The following SV2C variants were observed in gnomAD, a reference collection of about 807,000 sequenced individuals.
The protein encoded by SV2C is synaptic vesicle glycoprotein 2C.
SV2C carries 49 observed loss-of-function variants against 79.7 expected under a neutral mutation model. The ratio of observed to expected loss-of-function variants is 0.61; its 90% CI spans 0.49 to 0.78. SV2C has a LOEUF of 0.78. SV2C is among the 30% of genes least tolerant of loss of function. SV2C has a pLI of 0.00. For synonymous variants in SV2C, 334 were observed against 333.2 expected, an observed-to-expected ratio of 1.00 and a Z score of -0.03; for missense variants, 833 against 912.9, an observed-to-expected ratio of 0.91 and a Z score of 1.13.
intron 4 of SV2C, 75 bp from the exon 5 acceptor site, chr5:76,285,087 G>A (rs759299937): frequency 7.1e-5 from 112 of 1,580,268 alleles, no homozygotes; most frequent in Non-Finnish European, 9.5e-5. Flanking sequence ...TCCATGGTTC[G>A]GGCATCCCGG....
At chr5:75,993,704 C>T in the SV2C span, among the ~76,000 whole-genome samples, 4 of 152,126 alleles carry the variant, frequency 2.6e-5, no homozygotes, top group Non-Finnish European at 5.9e-5. Flanking sequence ...CTCTTTCCTT[C>T]AGGGAGGAGA....
At chr5:76,110,741 C>T (rs1163862237) in intron 1 of SV2C, among the ~76,000 whole-genome samples, 1 of 152,160 alleles carries the variant, frequency 6.6e-6, no homozygotes, top group Non-Finnish European at 1.5e-5. Flanking sequence ...GACATTTTAT[C>T]GAGAAATTAG....
intron 9 of SV2C, 51 bp downstream of exon 9, chr5:76,295,993 T>G: frequency 1.3e-6 from 2 of 1,505,432 alleles, no homozygotes; most frequent in Non-Finnish European, 1.8e-6. Flanking sequence ...AAAAACTTAT[T>G]TCTTCTTAGC....
intron 2 of SV2C, among the ~76,000 whole-genome samples, chr5:76,185,832 CA>C (rs1743898889): frequency 6.6e-6 from 1 of 152,206 alleles, no homozygotes; most frequent in Non-Finnish European, 1.5e-5. Context: ...CCATTGAATT[CA>C]GCTCCTGTTA....
the SV2C span, among the ~76,000 whole-genome samples, chr5:75,892,434 A>G: frequency 6.6e-6 from 1 of 151,464 alleles, no homozygotes; most frequent in East Asian, 1.9e-4. Flanking sequence ...TTTTTTTTCA[A>G]CTTCCACTTT....
the SV2C span, among the ~76,000 whole-genome samples, chr5:75,982,493 G>T: frequency 6.6e-6 from 1 of 152,170 alleles, no homozygotes; most frequent in Non-Finnish European, 1.5e-5. Flanking sequence ...GGAGAAAAAG[G>T]AATGCTTTTA....
intron 8 of SV2C, among the ~76,000 whole-genome samples, chr5:76,295,547 T>G (rs1747723076): frequency 6.6e-6 from 1 of 152,188 alleles, no homozygotes; most frequent in Admixed American, 6.5e-5. Context: ...GGTTTAGGAA[T>G]TACATACCTG....
chr5:76,003,517 T>C, the SV2C span, among the ~76,000 whole-genome samples: 2 of 152,178 alleles, frequency 1.3e-5, no homozygotes, highest in Non-Finnish European at 2.9e-5. Flanking sequence ...CTTGATGTTT[T>C]GGGAACCGTG....
chr5:76,164,461 A>C (rs1360109067), intron 2 of SV2C, among the ~76,000 whole-genome samples: 1 of 152,220 alleles, frequency 6.6e-6, no homozygotes, highest in Non-Finnish European at 1.5e-5. Flanking sequence ...TTGCCAAAGG[A>C]AAAGTCAGCT....
upstream of SV2C, among the ~76,000 whole-genome samples, chr5:76,080,253 CAA>C (rs1746964923): frequency 6.6e-6 from 1 of 151,898 alleles, no homozygotes; most frequent in Admixed American, 6.6e-5. Flanking sequence ...ACAAAAGAGA[CAA>C]AAAATAGTTT....
the SV2C span, among the ~76,000 whole-genome samples, chr5:75,944,739 G>T: frequency 6.6e-6 from 1 of 152,130 alleles, no homozygotes; most frequent in Non-Finnish European, 1.5e-5. Context: ...CAGAGCACAG[G>T]AAAAGGGACT....
At chr5:76,219,355 T>C (rs115997414) in intron 4 of SV2C, among the ~76,000 whole-genome samples, 1,682 of 152,350 alleles carry the variant, frequency 0.011, 24 homozygotes, top group Non-Finnish European at 0.015. Context: ...TCCGATTTCC[T>C]TCAGTGATGG....
chr5:75,891,632 A>G, the SV2C span, among the ~76,000 whole-genome samples: 1 of 152,152 alleles, frequency 6.6e-6, no homozygotes, highest in Admixed American at 6.6e-5. Context: ...ATTAGCTGGA[A>G]AAACTTGAGT....
the SV2C span, among the ~76,000 whole-genome samples, chr5:75,975,613 A>G: frequency 1.3e-5 from 2 of 152,036 alleles, no homozygotes; most frequent in Non-Finnish European, 2.9e-5. Context: ...AAATCCTGGA[A>G]CCTCTTCTTC....
rs139607202 is a variant in SV2C, at chr5:76,278,617, G to C, written c.914-6545G>C. On this transcript the variant is annotated intron_variant, in intron 4 of 12. Transcript: ENST00000502798. ...GCGTGGCTGGGCTTCCAGGAAAAAGGCTTAGCCCCCAGGATGGGATTAAGC... is the reference window on the plus strand; with the variant it reads ...GCGTGGCTGGGCTTCCAGGAAAAAGCCTTAGCCCCCAGGATGGGATTAAGC... Among the ~76,000 whole-genome samples, 624 of 152,282 alleles carry C rather than the reference G, an allele frequency of 4.1e-3. 4 individuals are homozygous for C. The highest frequency in any genetic ancestry group is 0.014 in the African/African-American group (589 of 41,540).
the SV2C span, among the ~76,000 whole-genome samples, chr5:76,035,251 T>A: frequency 6.6e-6 from 1 of 152,106 alleles, no homozygotes; most frequent in African/African-American, 2.4e-5. Context: ...TCTATTTCCT[T>A]CAGTTCTGCT....
chr5:76,147,362 G>A (rs1246843469), intron 2 of SV2C, among the ~76,000 whole-genome samples: 1 of 152,226 alleles, frequency 6.6e-6, no homozygotes, highest in African/African-American at 2.4e-5. Context: ...TACATCCTGT[G>A]TGTATATGTA....
Position 76,325,478 on chromosome 5 carries a change from T to C in SV2C, c.2115T>C (p.Ser705=), listed in dbSNP as rs902781344. The change falls in exon 13 of 13, where the codon TCT becomes TCC. Residue 705 remains serine, a synonymous_variant. Coordinates refer to ENST00000502798, the MANE Select transcript of SV2C (RefSeq NM_014979.4). ...AATCAATCCCCATCCTGCTGGCTTC[T>C]ACTGTGCTCGTGTGTGGAGGACTCG... The part of the protein sequence containing the change: ...ITKSIPILLA[S]TVLVCGGLVG... The C allele has an allele frequency of 6.2e-7, 1 of 1,614,200 alleles. No homozygotes were observed.
chr5:76,300,959 A>G, intron 11 of SV2C, 27 bp downstream of exon 11: 1 of 1,612,296 alleles, frequency 6.2e-7, no homozygotes, highest in South Asian at 1.1e-5. Context: ...ATGTCAAATA[A>G]AAGAGCTGCC....
Sources: allele counts gnomAD v4.1 joint callset (sites outside exome capture counted in the v4.1 genomes callset), GRCh38; gene constraint gnomAD v4.1.1; transcripts MANE v1.5; gene names NCBI Gene and HGNC (gene_info 2026-07-23, HGNC 2026-07-21).